Variants in ERN1 observed in about 807,000 individuals in gnomAD.
ERN1 encodes the protein endoplasmic reticulum to nucleus signaling 1.
Under a neutral mutation model 113.1 loss-of-function variants are expected in ERN1, and 39 were observed. That is an observed-to-expected ratio of 0.34 (90% CI 0.27 to 0.45). The LOEUF (loss-of-function observed/expected upper bound fraction) is 0.45, where lower values mean the gene tolerates loss of function less well. Among genes scored for constraint, ERN1 ranks in the 20% least tolerant of loss-of-function variants. The pLI, the probability that ERN1 is intolerant of heterozygous loss-of-function variation, is 1.00. For synonymous variants in ERN1, 507 were observed against 515.9 expected (o/e 0.98, Z 0.23); for missense variants, 976 against 1,274.8 (o/e 0.77, Z 3.57).
intron 1 of ERN1, among the ~76,000 whole-genome samples, chr17:64,116,511 T>C (rs1258432218): frequency 6.6e-6 from 1 of 152,168 alleles, no homozygotes; most frequent in African/African-American, 2.4e-5. Context: ...GGATTGCTCA[T>C]AATGAGGTAG....
chr17:64,106,611 C>T (rs1483267325), intron 1 of ERN1, among the ~76,000 whole-genome samples: 3 of 152,096 alleles, frequency 2.0e-5, no homozygotes. Context: ...ATTCTGCTGG[C>T]TATAACCGGC....
intron 1 of ERN1, among the ~76,000 whole-genome samples, chr17:64,099,968 G>A (rs925356790): frequency 4.6e-5 from 7 of 152,190 alleles, no homozygotes; most frequent in Non-Finnish European, 8.8e-5. Flanking sequence ...TGAAGTCTGA[G>A]GAAGAAGAGT....
chr17:64,100,394 C>G (rs9916414), intron 1 of ERN1, among the ~76,000 whole-genome samples: 223 of 152,182 alleles, frequency 1.5e-3, no homozygotes, highest in African/African-American at 4.7e-3. Flanking sequence ...CCTCCACCCC[C>G]CAAAGTTACC....
intron 1 of ERN1, among the ~76,000 whole-genome samples, chr17:64,110,024 C>T (rs969264025): frequency 2.0e-5 from 3 of 152,044 alleles, no homozygotes; most frequent in Non-Finnish European, 4.4e-5. Context: ...CCAAATGGCA[C>T]TGCAAATTAT....
chr17:64,079,718 C>G lies in ERN1; in HGVS notation c.226G>C (p.Asp76His). Reference sequence around the variant, plus strand: ...GTATACAGGCTGCCATCATTAGGATCTGGGAGAAAGGCAGGCCTAGAGATT... The same window carrying G: ...GTATACAGGCTGCCATCATTAGGATGTGGGAGAAAGGCAGGCCTAGAGATT... Reference protein sequence around the residue: ...THVEEPAFLPDPNDGSLYTLG... With the variant: ...THVEEPAFLPHPNDGSLYTLG... Residue 76 changes from aspartate to histidine, a missense_variant, in exon 4 of 22, where the codon GAT becomes CAT. By Grantham distance (81) the Asp-to-His change is moderately conservative. Transcript: ENST00000433197. 1 of 1,613,676 alleles carries G rather than the reference C, an allele frequency of 6.2e-7. No individual in the cohort carries two copies. Among genetic ancestry groups the G allele is most frequent in the Non-Finnish European group, 8.5e-7 (1 of 1,179,632 alleles).
At chr17:64,056,333 T>C (rs1308729414) in intron 12 of ERN1, among the ~76,000 whole-genome samples, 1 of 152,244 alleles carries the variant, frequency 6.6e-6, no homozygotes, top group Non-Finnish European at 1.5e-5. Context: ...GCTGAGCCAG[T>C]GGTGGGTGAG....
intron 2 of ERN1, among the ~76,000 whole-genome samples, chr17:64,095,539 A>T (rs1914206620): frequency 6.6e-6 from 1 of 152,076 alleles, no homozygotes; most frequent in African/African-American, 2.4e-5. Flanking sequence ...GATTCTACTG[A>T]TTCTATTTCT....
intron 17 of ERN1, among the ~76,000 whole-genome samples, chr17:64,051,777 G>A (rs971282041): frequency 1.3e-5 from 2 of 152,162 alleles, no homozygotes; most frequent in Non-Finnish European, 2.9e-5. Flanking sequence ...AACCCAGTAG[G>A]TAGCAAAATA....
intron 2 of ERN1, among the ~76,000 whole-genome samples, chr17:64,084,163 C>T (rs1188881869): frequency 1.3e-5 from 2 of 152,108 alleles, no homozygotes; most frequent in Non-Finnish European, 2.9e-5. Flanking sequence ...CCAAGTCACG[C>T]CCTCTGTCTT....
chr17:64,068,384 C>T (rs1913306364), intron 6 of ERN1, 93 bp from the exon 7 acceptor site: 9 of 909,272 alleles, frequency 9.9e-6, no homozygotes, highest in Non-Finnish European at 1.6e-5. Flanking sequence ...AACAAATCCT[C>T]CCTAAACTGT....
intron 1 of ERN1, among the ~76,000 whole-genome samples, chr17:64,099,815 C>T (rs576150544): frequency 8.1e-4 from 123 of 152,162 alleles, no homozygotes; most frequent in Non-Finnish European, 6.5e-4. Flanking sequence ...GACCCACCAA[C>T]GGAGGGAGTG....
In ERN1 at chr17:64,053,366, C is replaced by T; in HGVS notation, c.1959G>A (p.Val653=). 1 of 1,603,286 alleles carries T rather than the reference C, an allele frequency of 6.2e-7. No homozygotes were observed. The highest frequency in any genetic ancestry group is 1.7e-5 in the Admixed American group (1 of 58,300). The part of the protein sequence containing the change: ...ELCAATLQEY[V]EQKDFAHLGL... ...CGAGATGCGCAAAGTCCTTCTGCTCCACATACTGCAAAAGACATGACAGCA... is the reference window on the plus strand; with the variant it reads ...CGAGATGCGCAAAGTCCTTCTGCTCTACATACTGCAAAAGACATGACAGCA... Residue 653 remains valine, a synonymous_variant, in exon 16 of 22, where the codon GTG becomes GTA. Coordinates refer to ENST00000433197, the MANE Select transcript of ERN1 (RefSeq NM_001433.5).
intron 5 of ERN1, among the ~76,000 whole-genome samples, chr17:64,073,237 C>T (rs1022308328): frequency 5.3e-5 from 8 of 151,332 alleles, no homozygotes; most frequent in Admixed American, 1.3e-4. Flanking sequence ...GGAGTGATCT[C>T]GGCTCACTGC....
intron 2 of ERN1, among the ~76,000 whole-genome samples, chr17:64,086,822 T>C (rs1913946493): frequency 6.6e-6 from 1 of 151,842 alleles, no homozygotes; most frequent in African/African-American, 2.4e-5. Flanking sequence ...AATTTTTGTA[T>C]TTGTAGTAGA....
intron 1 of ERN1, among the ~76,000 whole-genome samples, chr17:64,105,350 C>A (rs1192469515): frequency 6.6e-6 from 1 of 152,022 alleles, no homozygotes; most frequent in Non-Finnish European, 1.5e-5. Flanking sequence ...CTCATGCAAT[C>A]CTTCCACCTC....
At chr17:64,090,973 C>T (rs980334723) in intron 2 of ERN1, among the ~76,000 whole-genome samples, 1 of 152,196 alleles carries the variant, frequency 6.6e-6, no homozygotes, top group African/African-American at 2.4e-5. Context: ...AGGTTTCTCT[C>T]ACAGCCCCTT....
chr17:64,128,675 G>A (rs1041373508), intron 1 of ERN1: 2 of 152,138 alleles, frequency 1.3e-5, no homozygotes, highest in African/African-American at 2.4e-5. Flanking sequence ...CCAAGGTGAG[G>A]TGCTCAAGTT....
In ERN1 at chr17:64,042,368, T is replaced by C. The variant is rs2143305161; in HGVS notation, c.*1620A>G. The stretch of plus-strand genomic sequence containing the variant: ...TTAGCTATGATGAAAGGAAGGGAAC[T>C]GAATTCTACAAAGGCAGAATGAGAG... On this transcript the variant is annotated 3_prime_UTR_variant, in exon 22 of 22. Transcript: ENST00000433197. The C allele has an allele frequency of 6.6e-6, 1 of 152,310 alleles. No individual in the cohort carries two copies. The highest frequency in any genetic ancestry group is 2.1e-4 in the South Asian group (1 of 4,826). The allele number at this position is 152,310 out of a possible 1,614,324, so 9.4% of individuals were successfully genotyped here.
intron 10 of ERN1, among the ~76,000 whole-genome samples, chr17:64,061,577 C>T (rs1169121594): frequency 6.6e-6 from 1 of 152,210 alleles, no homozygotes; most frequent in East Asian, 1.9e-4. Flanking sequence ...TCTCTATCTA[C>T]AACATAATAT....
Sources: gnomAD v4.1 joint callset for allele counts (sites outside exome capture counted in the v4.1 genomes callset) on GRCh38, gnomAD v4.1.1 for gene constraint, MANE v1.5 for transcripts, NCBI Gene and HGNC (gene_info 2026-07-23, HGNC 2026-07-21) for gene names.